PGRMC2: variants seen among roughly 807,000 people sequenced by gnomAD.
PGRMC2 encodes the protein membrane-associated progesterone receptor component 2.
In PGRMC2, 9 loss-of-function variants were observed where a neutral mutation model predicts 19.3. The observed-to-expected ratio is 0.47, with a 90% CI of 0.28 to 0.81. The LOEUF (loss-of-function observed/expected upper bound fraction) is 0.81, where lower values mean the gene tolerates loss of function less well. PGRMC2 is among the 40% of genes least tolerant of loss of function. The pLI, the probability that PGRMC2 is intolerant of heterozygous loss-of-function variation, is 0.11. For synonymous variants in PGRMC2, 157 were observed against 124.6 expected, an observed-to-expected ratio of 1.26 and a Z score of -1.73; for missense variants, 289 against 297.3, an observed-to-expected ratio of 0.97 and a Z score of 0.21.
chr4:128,285,091 A>G (rs1454211334), intron 1 of PGRMC2, among the ~76,000 whole-genome samples: 1 of 152,150 alleles, frequency 6.6e-6, no homozygotes, highest in Non-Finnish European at 1.5e-5. Context: ...CTCAGTGCAC[A>G]TACCATAAAA....
At position 128,269,569 on chromosome 4, in the gene PGRMC2, T is replaced by C. The variant is rs545771164; in HGVS notation, c.*1747A>G. 6.6e-6 allele frequency: 1 copy of C among 152,320 alleles called. No individual in the cohort carries two copies. The highest frequency in any genetic ancestry group is 1.9e-4 in the East Asian group (1 of 5,186). 9.4% of individuals were successfully genotyped at this position (152,320 alleles called of 1,614,324 possible). ...CACTCCAAGACTGAATAGAATGTAG[T>C]ATTTTACATACTTTAGCTTATTGTT... On this transcript the variant is annotated 3_prime_UTR_variant, in exon 3 of 3. Coordinates refer to ENST00000296425, the MANE Select transcript of PGRMC2 (RefSeq NM_006320.6).
chr4:128,286,849 T>C, intron 1 of PGRMC2: 2 of 352,470 alleles, frequency 5.7e-6, no homozygotes, highest in Non-Finnish European at 4.8e-6. Flanking sequence ...TACGGAGTAA[T>C]ACAGCGAGGG....
Position 128,271,094 on chromosome 4 carries a change from A to T in PGRMC2, c.*222T>A, listed in dbSNP as rs1315550014. 3 of 354,934 alleles carry T rather than the reference A, an allele frequency of 8.5e-6. No homozygotes were observed. The East Asian group carries it at 1.3e-4, about 15-fold the overall frequency. The allele number at this position is 354,934 out of a possible 1,614,324, so 22.0% of individuals were successfully genotyped here. A position where few individuals can be genotyped will look rare whatever the true frequency, so the allele number is the denominator to read the frequency against. ...TCCCTGTCTCCTTCTTTTCAGGATG[A>T]TGAAGCCCCACTAGACATTACAAAC... is the stretch of plus-strand genomic sequence containing the variant. On this transcript the variant is annotated 3_prime_UTR_variant, in exon 3 of 3. Coordinates refer to ENST00000296425, the MANE Select transcript of PGRMC2 (RefSeq NM_006320.6).
chr4:128,273,949 C>A (rs1760768962), intron 1 of PGRMC2, among the ~76,000 whole-genome samples: 1 of 152,178 alleles, frequency 6.6e-6, no homozygotes, highest in Admixed American at 6.5e-5. Flanking sequence ...GCTAACAGTT[C>A]CAGTAAAGTA....
chr4:128,277,035 T>TA (rs1217683981), intron 1 of PGRMC2, among the ~76,000 whole-genome samples: 11 of 152,140 alleles, frequency 7.2e-5, no homozygotes, highest in Admixed American at 3.3e-4. Flanking sequence ...TGGGCACCTG[T>TA]AGTCCCAGCT....
rs537014428 is a variant in PGRMC2 at position 128,271,198 on chromosome 4, C to A, written c.*118G>T. The A allele has an allele frequency of 1.1e-5, 6 of 542,668 alleles. No homozygotes were observed. The African/African-American group carries it at 1.2e-4, about 11-fold the overall frequency. The allele number at this position is 542,668 out of a possible 1,614,324, so 33.6% of individuals were successfully genotyped here. ...CATAGTGAGATTAATTTATCTTGTA[C>A]ACAATTTGTTGAATGTTTTTCGCAG... On this transcript the variant is annotated 3_prime_UTR_variant, in exon 3 of 3. Transcript: ENST00000296425.
chr4:128,275,775 G>T (rs1206375194), intron 1 of PGRMC2, among the ~76,000 whole-genome samples: 1 of 152,144 alleles, frequency 6.6e-6, no homozygotes, highest in Non-Finnish European at 1.5e-5. Flanking sequence ...ACCCAGGCTG[G>T]AGTACAGCGG....
Position 128,287,748 on chromosome 4 carries a change from T to C in PGRMC2, c.43A>G (p.Ser15Gly). The C allele has an allele frequency of 6.8e-7, 1 of 1,475,416 alleles. No individual in the cohort carries two copies. Among genetic ancestry groups the C allele is most frequent in the Non-Finnish European group, 9.3e-7 (1 of 1,079,994 alleles). 91.4% of individuals were successfully genotyped at this position (1,475,416 alleles called of 1,614,324 possible). Residue 15 changes from serine (S) to glycine (G), a missense_variant, in exon 1 of 3, where the codon AGT becomes GGT. Physicochemically the swap from Ser to Gly is moderately conservative, Grantham distance 56. Coordinates refer to ENST00000296425, the MANE Select transcript of PGRMC2 (RefSeq NM_006320.6). ...DGDVKLGTLGSGSESSNDGGS... is the reference protein window; with the variant it reads ...DGDVKLGTLGGGSESSNDGGS... ...CCGTCGTTGCTGCTCTCGCTGCCACTCCCCAGGGTGCCTAGCTTCACGTCC... is the reference window on the plus strand; with the variant it reads ...CCGTCGTTGCTGCTCTCGCTGCCACCCCCCAGGGTGCCTAGCTTCACGTCC...
chr4:128,275,008 A>C (rs1248895473), intron 1 of PGRMC2, among the ~76,000 whole-genome samples: 2 of 152,158 alleles, frequency 1.3e-5, no homozygotes, highest in African/African-American at 4.8e-5. Context: ...ACTTTCCTAA[A>C]TCCTCCAGTG....
At chr4:128,275,506 C>T (rs1760796558) in intron 1 of PGRMC2, among the ~76,000 whole-genome samples, 1 of 152,042 alleles carries the variant, frequency 6.6e-6, no homozygotes, top group Non-Finnish European at 1.5e-5. Context: ...GAACTTGAGT[C>T]AACAGTTAAT....
chr4:128,280,953 A>G (rs982508674), intron 1 of PGRMC2, among the ~76,000 whole-genome samples: 1 of 152,186 alleles, frequency 6.6e-6, no homozygotes, highest in African/African-American at 2.4e-5. Flanking sequence ...GTGAGGAAAA[A>G]TAAAAAATTT....
rs1760696588 is a variant in PGRMC2 at position 128,269,657 on chromosome 4, C to T, written c.*1659G>A. 1 of 152,208 alleles carries T rather than the reference C, an allele frequency of 6.6e-6. No individual in the cohort carries two copies. Among genetic ancestry groups the T allele is most frequent in the Admixed American group, 6.5e-5 (1 of 15,282 alleles). The allele number at this position is 152,208 out of a possible 1,614,324, so 9.4% of individuals were successfully genotyped here. Reference sequence around the variant, plus strand: ...TGTATCTACAAAGCAGAAGTCTTAACTGGTGACCTGTTAAATAACATTGCC... The same window carrying T: ...TGTATCTACAAAGCAGAAGTCTTAATTGGTGACCTGTTAAATAACATTGCC... On this transcript the variant is annotated 3_prime_UTR_variant, in exon 3 of 3. Transcript: ENST00000296425.
intron 1 of PGRMC2, among the ~76,000 whole-genome samples, chr4:128,282,603 A>G (rs1252938981): frequency 1.3e-5 from 2 of 152,232 alleles, no homozygotes; most frequent in Non-Finnish European, 2.9e-5. Flanking sequence ...CAGAAAACCT[A>G]GCTAATCCTT....
intron 1 of PGRMC2, among the ~76,000 whole-genome samples, chr4:128,275,689 A>AT (rs1760799776): frequency 1.3e-5 from 2 of 152,148 alleles, no homozygotes; most frequent in South Asian, 4.1e-4. Context: ...TTTAGTAATA[A>AT]TTTTCTATGC....
rs543409132 is a variant in PGRMC2, at chr4:128,279,766, G to T, written c.419-7249C>A. 9.9e-5 allele frequency among the ~76,000 whole-genome samples: 15 copies of T among 152,268 alleles called. No individual in the cohort carries two copies. In the South Asian group the frequency reaches 3.1e-3, roughly 32 times the overall value. On this transcript the variant is annotated intron_variant, in intron 1 of 2. Transcript: ENST00000296425. ...TAAAATATTGTGAAGGGTATGCATAGTATACTATAATTAGTGTGGGGGGAA... is the reference window on the plus strand; with the variant it reads ...TAAAATATTGTGAAGGGTATGCATATTATACTATAATTAGTGTGGGGGGAA...
In PGRMC2 at chr4:128,270,399, T is replaced by C. The variant is rs1049498022; in HGVS notation, c.*917A>G. 6 of 152,634 alleles carry C rather than the reference T, an allele frequency of 3.9e-5. No homozygotes were observed. Among genetic ancestry groups the C allele is most frequent in the Admixed American group, 2.6e-4 (4 of 15,272 alleles). The allele number at this position is 152,634 out of a possible 1,614,324, so 9.5% of individuals were successfully genotyped here. A position where few individuals can be genotyped will look rare whatever the true frequency, so the allele number is the denominator to read the frequency against. ...ATGCATTTGGCCATTACAATGCTAA[T>C]TGAGTTTGTGTATATTACATATATG... On this transcript the variant is annotated 3_prime_UTR_variant, in exon 3 of 3. Transcript: ENST00000296425.
At position 128,287,756 on chromosome 4, in the gene PGRMC2, G is replaced by T; in HGVS notation, c.35C>A (p.Thr12Asn). Residue 12 changes from threonine to asparagine, a missense_variant, in exon 1 of 3, where the codon ACC becomes AAC. Physicochemically the swap from Thr to Asn is moderately conservative, Grantham distance 65 (BLOSUM62 0). Transcript: ENST00000296425. Reference protein sequence around the residue: ...AAGDGDVKLGTLGSGSESSND... With the variant: ...AAGDGDVKLGNLGSGSESSND... Reference sequence around the variant, plus strand: ...GCTGCTCTCGCTGCCACTCCCCAGGGTGCCTAGCTTCACGTCCCCATCACC... The same window carrying T: ...GCTGCTCTCGCTGCCACTCCCCAGGTTGCCTAGCTTCACGTCCCCATCACC... 1 of 1,477,518 alleles carries T rather than the reference G, an allele frequency of 6.8e-7. No individual in the cohort carries two copies. Among genetic ancestry groups the T allele is most frequent in the Non-Finnish European group, 9.3e-7 (1 of 1,079,202 alleles). 91.5% of individuals were successfully genotyped at this position (1,477,518 alleles called of 1,614,324 possible). A position where few individuals can be genotyped will look rare whatever the true frequency, so the allele number is the denominator to read the frequency against.
chr4:128,272,906 C>CA (rs1760754831), intron 1 of PGRMC2: 1 of 155,814 alleles, frequency 6.4e-6, no homozygotes, highest in South Asian at 2.1e-4. Context: ...ATAGTGGCAT[C>CA]AAAAAAATAA....
At position 128,287,776 on chromosome 4, in the gene PGRMC2, A is replaced by C; in HGVS notation, c.15T>G (p.Asp5Glu). 2 of 1,482,030 alleles carry C rather than the reference A, an allele frequency of 1.3e-6. No homozygotes were observed. The highest frequency in any genetic ancestry group is 1.8e-6 in the Non-Finnish European group (2 of 1,083,098). The allele number at this position is 1,482,030 out of a possible 1,614,324, so 91.8% of individuals were successfully genotyped here. A position where few individuals can be genotyped will look rare whatever the true frequency, so the allele number is the denominator to read the frequency against. Residue 5 changes from aspartate to glutamate, a missense_variant, in exon 1 of 3, where the codon GAT (aspartate) becomes GAG (glutamate). Physicochemically the swap from Asp to Glu is conservative, Grantham distance 45 (BLOSUM62 2). Transcript: ENST00000296425. Reference protein sequence around the residue: MAAGDGDVKLGTLGS... With the variant: MAAGEGDVKLGTLGS... ...CCAGGGTGCCTAGCTTCACGTCCCC[A>C]TCACCAGCCGCCATCACTGCCCGCC...
Sources: allele counts gnomAD v4.1 joint callset (sites outside exome capture counted in the v4.1 genomes callset), GRCh38; gene constraint gnomAD v4.1.1; transcripts MANE v1.5; gene names NCBI Gene and HGNC (gene_info 2026-07-23, HGNC 2026-07-21).